MACF1: variants seen among roughly 807,000 people sequenced by gnomAD.
The protein encoded by MACF1 is microtubule actin crosslinking factor 1.
A neutral mutation model predicts 854.8 loss-of-function variants in MACF1; 193 were observed. The ratio of observed to expected loss-of-function variants is 0.23; its 90% CI spans 0.20 to 0.25. The LOEUF (loss-of-function observed/expected upper bound fraction) is 0.25, where lower values mean the gene tolerates loss of function less well. Among genes scored for constraint, MACF1 ranks in the 10% least tolerant of loss-of-function variants. The probability of loss-of-function intolerance (pLI) is 1.00; values close to 1 mark genes in which losing one functional copy is unlikely to be tolerated. For synonymous variants in MACF1, 3,185 were observed against 3,226.7 expected (o/e 0.99, Z 0.44); for missense variants, 7,722 against 8,929.1 (o/e 0.86, Z 5.45).
chr1:39,298,172 T>C (rs1457687919), intron 21 of MACF1, among the ~76,000 whole-genome samples: 2 of 151,880 alleles, frequency 1.3e-5, no homozygotes, highest in Non-Finnish European at 2.9e-5. Context: ...GAAATACACC[T>C]GAGTCAAAAT....
chr1:39,347,200 C>T lies in MACF1; in HGVS notation c.10805C>T (p.Ala3602Val). Residue 3602 changes from alanine (A) to valine (V), a missense_variant, in exon 41 of 101, where the codon GCC becomes GTC. Physicochemically the swap from Ala to Val is moderately conservative, Grantham distance 64. Around this residue, in one of 15 missense-constraint regions of MACF1, gnomAD observed 854 missense variants for 852.6 expected, o/e 1.00. Coordinates refer to ENST00000564288, the MANE Select transcript of MACF1 (RefSeq NM_001394062.1). ...CATCTTCAACAAATGGAGCAGGAAG[C>T]CCTGGTGAAGGTCAGACTGAACCAG... The part of the protein sequence containing the change: ...QGHLQQMEQE[A>V]LVKTLQKQQN... 1 of 1,612,444 alleles carries T rather than the reference C, an allele frequency of 6.2e-7. No homozygotes were observed. The highest frequency in any genetic ancestry group is 8.5e-7 in the Non-Finnish European group (1 of 1,178,776).
Position 39,481,003 on chromosome 1 carries a change from T to G in MACF1, c.22254T>G (p.Ser7418=), listed in dbSNP as rs1645002278. The part of the protein sequence containing the change: ...KAGTPIRDSH[S]PDLQLPTPEV... Reference sequence around the variant, plus strand: ...GCACCCCTATCAGGGACAGCCATTCTCCTGACCTCCAGCTGCCCACCCCCG... The same window carrying G: ...GCACCCCTATCAGGGACAGCCATTCGCCTGACCTCCAGCTGCCCACCCCCG... The change falls in exon 99 of 101, where the codon TCT becomes TCG. Residue 7418 remains serine (S), a synonymous_variant. Coordinates refer to ENST00000564288, the MANE Select transcript of MACF1 (RefSeq NM_001394062.1). The G allele has an allele frequency of 1.3e-6, 2 of 1,550,588 alleles. No individual in the cohort carries two copies. Among genetic ancestry groups the G allele is most frequent in the Admixed American group, 2.0e-5 (1 of 50,980 alleles).
At chr1:39,462,164 A>G in intron 93 of MACF1, 127 bp downstream of exon 93, 1 of 890,764 alleles carries the variant, frequency 1.1e-6, no homozygotes, top group Non-Finnish European at 1.7e-6. Flanking sequence ...TTGGAGTTCT[A>G]TTTTGAGATC....
intron 44 of MACF1, among the ~76,000 whole-genome samples, chr1:39,355,686 G>A (rs554541046): frequency 1.2e-4 from 19 of 152,062 alleles, no homozygotes; most frequent in Non-Finnish European, 4.4e-5. Context: ...GCATGGTCTC[G>A]ATCTCTTGGC....
rs774036912 is a variant in MACF1, at chr1:39,295,168, G to A, written c.2259+18G>A. 1.3e-6 allele frequency: 2 copies of A among 1,583,788 alleles called. No individual in the cohort carries two copies. The highest frequency in any genetic ancestry group is 1.3e-5 in the African/African-American group (1 of 74,300). On this transcript the variant is annotated intron_variant, in intron 19 of 100. Transcript: ENST00000564288. ...CAGTGGAGGTGTGTGACTTGAGAAT[G>A]TGTGAAGGTCAAATGCTGAGAGGTT...
Position 39,319,673 on chromosome 1 carries a change from G to T in MACF1, c.3955G>T (p.Ala1319Ser), listed in dbSNP as rs1646476624. Residue 1319 changes from alanine (A) to serine (S), a missense_variant, in exon 31 of 101, where the codon GCA becomes TCA. This residue lies in a region of MACF1 where 1,137 missense variants were observed against 1,263.0 expected (regional missense o/e 0.90). Transcript: ENST00000564288. ...ATATTTTGCTTCCTAGGCCCTATTT[G>T]CAGAAATTGAGAGAAATCAGACAAA... ...EQLSQQTALF[A>S]EIERNQTKLD... 1 of 1,613,082 alleles carries T rather than the reference G, an allele frequency of 6.2e-7. No homozygotes were observed. Among genetic ancestry groups the T allele is most frequent in the South Asian group, 1.1e-5 (1 of 90,950 alleles).
At chr1:39,411,131 C>G in intron 58 of MACF1, 1 of 1,613,624 alleles carries the variant, frequency 6.2e-7, no homozygotes, top group South Asian at 1.1e-5. Context: ...GAAATGCCAC[C>G]TCTCTCCCCT....
chr1:39,360,388 A>T (rs1189783285), intron 47 of MACF1, among the ~76,000 whole-genome samples: 1 of 151,916 alleles, frequency 6.6e-6, no homozygotes, highest in Non-Finnish European at 1.5e-5. Flanking sequence ...GTCAGATAAG[A>T]TACTTAAGTA....
At chr1:39,403,857 C>T (rs983957769) in intron 58 of MACF1, among the ~76,000 whole-genome samples, 15 of 152,044 alleles carry the variant, frequency 9.9e-5, no homozygotes, top group South Asian at 4.2e-4. Context: ...GGCCGGGCTT[C>T]GTGGCTCATG....
At chr1:39,285,889 C>T in intron 14 of MACF1, 131 bp downstream of exon 14, 1 of 949,294 alleles carries the variant, frequency 1.1e-6, no homozygotes, top group Non-Finnish European at 1.6e-6. Context: ...AATGGGGATA[C>T]TACAGGTCTC....
At chr1:39,476,134 C>T (rs1644877379) in intron 97 of MACF1, among the ~76,000 whole-genome samples, 1 of 152,140 alleles carries the variant, frequency 6.6e-6, no homozygotes. Context: ...ATTTAATATA[C>T]TCATATTATT....
intron 2 of MACF1, among the ~76,000 whole-genome samples, chr1:39,133,218 G>C (rs1643055518): frequency 6.6e-6 from 1 of 152,174 alleles, no homozygotes; most frequent in South Asian, 2.1e-4. Context: ...GGGGCTGGGG[G>C]TATGGGGTGT....
rs949327056 is a variant in MACF1 at position 39,429,699 on chromosome 1, G to A, written c.16889-128G>A. ...CCCATTTGCCCTTAGTATGGGATAG[G>A]TGAAATCATTACCACAGAGAGAGAG... On this transcript the variant is annotated intron_variant, in intron 64 of 100. Transcript: ENST00000564288. 6 of 930,632 alleles carry A rather than the reference G, an allele frequency of 6.4e-6. No homozygotes were observed. The East Asian group carries it at 1.2e-4, about 19-fold the overall frequency. 57.6% of individuals were successfully genotyped at this position (930,632 alleles called of 1,614,324 possible). A position where few individuals can be genotyped will look rare whatever the true frequency, so the allele number is the denominator to read the frequency against.
intron 2 of MACF1, among the ~76,000 whole-genome samples, chr1:39,100,253 A>T (rs987035259): frequency 1.3e-5 from 2 of 152,108 alleles, no homozygotes; most frequent in African/African-American, 2.4e-5. Context: ...TAGAAAAAAA[A>T]TTTCACGTCA....
chr1:39,420,103 T>G (rs1570002582), intron 58 of MACF1, among the ~76,000 whole-genome samples: 1 of 152,208 alleles, frequency 6.6e-6, no homozygotes, highest in South Asian at 2.1e-4. Flanking sequence ...GGCTAGTGGG[T>G]CTGAGGAACT....
At chr1:39,129,948 T>C (rs939764757) in intron 2 of MACF1, among the ~76,000 whole-genome samples, 4 of 152,250 alleles carry the variant, frequency 2.6e-5, no homozygotes, top group African/African-American at 9.6e-5. Context: ...TTGATGGTTT[T>C]AACTCTTCTG....
At chr1:39,408,327 C>A (rs1482514767) in intron 58 of MACF1, among the ~76,000 whole-genome samples, 1 of 152,164 alleles carries the variant, frequency 6.6e-6, no homozygotes, top group Admixed American at 6.5e-5. Context: ...TAGAGTTATC[C>A]AATAACTTTG....
intron 2 of MACF1, among the ~76,000 whole-genome samples, chr1:39,172,598 T>G (rs1425857781): frequency 6.6e-6 from 1 of 152,212 alleles, no homozygotes; most frequent in African/African-American, 2.4e-5. Context: ...TTAATTTGTC[T>G]GCTCACTCTG....
At chr1:39,222,663 G>T (rs1171998001) in intron 1 of MACF1, among the ~76,000 whole-genome samples, 1 of 152,092 alleles carries the variant, frequency 6.6e-6, no homozygotes, top group East Asian at 1.9e-4. Context: ...TATTTGCTTG[G>T]TGTTATTGTT....
Sources: allele counts gnomAD v4.1 joint callset (sites outside exome capture counted in the v4.1 genomes callset), GRCh38; gene constraint gnomAD v4.1.1; regional missense constraint gnomAD v4.1.1; transcripts MANE v1.5; gene names NCBI Gene and HGNC (gene_info 2026-07-23, HGNC 2026-07-21).